Variants in FAM83A observed in about 807,000 individuals in gnomAD.
FAM83A encodes the protein protein FAM83A.
In FAM83A, 21 loss-of-function variants were observed where a neutral mutation model predicts 24.4. That is an observed-to-expected ratio of 0.86 (90% CI 0.61 to 1.24). FAM83A has a LOEUF of 1.24. Among genes scored for constraint, FAM83A ranks in the 50% most tolerant of loss-of-function variants. FAM83A has a pLI of 0.00. For missense variants in FAM83A, 617 were observed against 579.8 expected, an observed-to-expected ratio of 1.06 and a Z score of -0.66; for synonymous variants, 270 against 252.4, an observed-to-expected ratio of 1.07 and a Z score of -0.66.
rs73341736 is a variant in FAM83A, at chr8:123,205,383, G to A, written c.774-1774G>A. 8.7e-3 allele frequency among the ~76,000 whole-genome samples: 1,321 copies of A among 152,370 alleles called. 20 individuals carry two copies. Among genetic ancestry groups the A allele is most frequent in the African/African-American group, 0.029 (1,216 of 41,592 alleles). Reference sequence around the variant, plus strand: ...AGTGCGGCCCTTTGTCCCTGCGCTTGCCTCCTGTCCCGTGGCGGGGCTGGC... The same window carrying A: ...AGTGCGGCCCTTTGTCCCTGCGCTTACCTCCTGTCCCGTGGCGGGGCTGGC... On this transcript the variant is annotated intron_variant, in intron 3 of 3. Coordinates refer to ENST00000690554, the Ensembl canonical transcript of FAM83A.
exon 4 of FAM83A, chr8:123,207,194 C>A: frequency 6.2e-7 from 1 of 1,609,998 alleles, no homozygotes; most frequent in Non-Finnish European, 8.5e-7. Flanking sequence ...CCGGAACATC[C>A]TCTCCAAGTT....
chr8:123,200,799 C>CA (rs1266018730), intron 3 of FAM83A, among the ~76,000 whole-genome samples: 1 of 151,796 alleles, frequency 6.6e-6, no homozygotes, highest in African/African-American at 2.4e-5. Flanking sequence ...ACTAAAAATA[C>CA]AAAAAATTAG....
rs1824651516 is a variant in FAM83A at position 123,209,013 on chromosome 8, C to T, written c.*1325C>T. The T allele has an allele frequency of 3.0e-6, 3 of 988,754 alleles. No homozygotes were observed. The Admixed American group carries it at 1.8e-4, about 60-fold the overall frequency. The allele number at this position is 988,754 out of a possible 1,614,324, so 61.2% of individuals were successfully genotyped here. Reference sequence around the variant, plus strand: ...GAGCATAGAGGAGGGTTGGCCAGCCCTGTGGTGGGTGGGATGTCAGAGACA... The same window carrying T: ...GAGCATAGAGGAGGGTTGGCCAGCCTTGTGGTGGGTGGGATGTCAGAGACA... On this transcript the variant is annotated 3_prime_UTR_variant, in exon 4 of 4. Coordinates refer to ENST00000690554, the Ensembl canonical transcript of FAM83A. The surrounding 1 kb of genome is among the most constrained non-coding windows in gnomAD (Gnocchi z 4.7).
At chr8:123,203,226 A>AC (rs1563788908) in intron 3 of FAM83A, among the ~76,000 whole-genome samples, 1 of 151,420 alleles carries the variant, frequency 6.6e-6, no homozygotes, top group Non-Finnish European at 1.5e-5. Flanking sequence ...CACATTAAAA[A>AC]AAAAAAAGCA....
Position 123,209,700 on chromosome 8 carries a change from G to C in FAM83A, c.*2012G>C. The C allele has an allele frequency of 1.3e-6, 1 of 799,612 alleles. No homozygotes were observed. 49.5% of individuals were successfully genotyped at this position (799,612 alleles called of 1,614,324 possible). On this transcript the variant is annotated 3_prime_UTR_variant, in exon 4 of 4. Transcript: ENST00000690554. The surrounding 1 kb of genome is among the most constrained non-coding windows in gnomAD (Gnocchi z 4.7). The stretch of plus-strand genomic sequence containing the variant: ...GTGTCGAGCTCAGTCCTGGGAGATA[G>C]GGGAGAACCTGCAGGCAGGAACAAG...
intron 3 of FAM83A, chr8:123,201,676 T>G (rs1390250963): frequency 6.6e-6 from 1 of 152,244 alleles, no homozygotes; most frequent in Admixed American, 6.5e-5. Flanking sequence ...CCCCTTCTTC[T>G]GGTTGTATAT....
At chr8:123,208,100 T>G in exon 4 of FAM83A, 1 of 1,008,118 alleles carries the variant, frequency 9.9e-7, no homozygotes, top group Non-Finnish European at 1.2e-6. Context: ...GTACTTCTGG[T>G]TCCCAGTGCC....
At chr8:123,182,933 G>A in exon 1 of FAM83A, 1 of 1,584,442 alleles carries the variant, frequency 6.3e-7, no homozygotes, top group Non-Finnish European at 8.6e-7. Context: ...CGGCCAGCCA[G>A]GGCTGACTTT....
chr8:123,191,194 G>A lies in FAM83A; in HGVS notation c.481-609G>A, dbSNP rs192167009. On this transcript the variant is annotated intron_variant, in intron 1 of 3. Transcript: ENST00000690554. ...AATGCTTGGCAGGAGGAACACAGATGTCTCTCCTGCTCACTGAAGGTCTAG... is the reference window on the plus strand; with the variant it reads ...AATGCTTGGCAGGAGGAACACAGATATCTCTCCTGCTCACTGAAGGTCTAG... Among the ~76,000 whole-genome samples the A allele has an allele frequency of 3.9e-5, 6 of 152,312 alleles. No homozygotes were observed. The East Asian group carries it at 1.2e-3, about 29-fold the overall frequency.
exon 4 of FAM83A, chr8:123,207,543 C>G: frequency 6.4e-7 from 1 of 1,555,272 alleles, no homozygotes; most frequent in Non-Finnish European, 8.6e-7. Context: ...CACCTCTCCC[C>G]GCGGCCCCAC....
exon 1 of FAM83A, chr8:123,182,916 G>A: frequency 6.5e-7 from 1 of 1,544,270 alleles, no homozygotes; most frequent in East Asian, 2.3e-5. Context: ...TCAAGAGCCA[G>A]TGGGTCCGGC....
chr8:123,182,059 C>T (rs1265253250), upstream of FAM83A: 2 of 456,212 alleles, frequency 4.4e-6, no homozygotes, highest in African/African-American at 2.0e-5. Context: ...GGCTCGTGGG[C>T]CGCCGGCAGC....
At chr8:123,187,759 AG>A (rs1823853394) in intron 1 of FAM83A, among the ~76,000 whole-genome samples, 2 of 152,210 alleles carry the variant, frequency 1.3e-5, no homozygotes, top group African/African-American at 2.4e-5. Context: ...CAGGCAAGTC[AG>A]GGCCAGTGGA....
chr8:123,207,627 G>A, exon 4 of FAM83A: 14 of 1,551,394 alleles, frequency 9.0e-6, no homozygotes, highest in Admixed American at 1.9e-5. Flanking sequence ...GAGCAGCTGG[G>A]CCTGGTGCCG....
Position 123,209,796 on chromosome 8 carries a change from T to C in FAM83A, c.*2108T>C. The C allele has an allele frequency of 1.9e-6, 1 of 537,372 alleles. No individual in the cohort carries two copies. Among genetic ancestry groups the C allele is most frequent in the East Asian group, 3.0e-5 (1 of 33,146 alleles). 33.3% of individuals were successfully genotyped at this position (537,372 alleles called of 1,614,324 possible). A position where few individuals can be genotyped will look rare whatever the true frequency, so the allele number is the denominator to read the frequency against. ...GTCGTCTTTGTTGACAAAGGTGCAGTTTCTCCTCTCCTGGGCACCTGTAAC... is the reference window on the plus strand; with the variant it reads ...GTCGTCTTTGTTGACAAAGGTGCAGCTTCTCCTCTCCTGGGCACCTGTAAC... On this transcript the variant is annotated 3_prime_UTR_variant, in exon 4 of 4. Coordinates refer to ENST00000690554, the Ensembl canonical transcript of FAM83A. This position sits in a 1 kb window ranked among gnomAD's most constrained non-coding sequence, Gnocchi z 4.7.
intron 3 of FAM83A, among the ~76,000 whole-genome samples, chr8:123,205,468 T>C (rs1488297764): frequency 2.0e-5 from 3 of 151,414 alleles, no homozygotes; most frequent in Non-Finnish European, 4.4e-5. Flanking sequence ...CGGCGGGAGG[T>C]GAGATTTAAA....
rs1373159327 is a variant in FAM83A, at chr8:123,209,316, A to G, written c.*1628A>G. 4.3e-6 allele frequency: 6 copies of G among 1,407,520 alleles called. No homozygotes were observed. The East Asian group carries it at 1.1e-4, about 25-fold the overall frequency. 87.2% of individuals were successfully genotyped at this position (1,407,520 alleles called of 1,614,324 possible). ...TCTGCCCATCCATCCCTCTGTTCCA[A>G]TTCTCCACTGCTCCCAGCATGATCT... is the stretch of plus-strand genomic sequence containing the variant. On this transcript the variant is annotated 3_prime_UTR_variant, in exon 4 of 4. Transcript: ENST00000690554. The surrounding 1 kb of genome is among the most constrained non-coding windows in gnomAD (Gnocchi z 4.7).
upstream of FAM83A, chr8:123,182,306 CAG>C: frequency 2.8e-6 from 1 of 360,232 alleles, no homozygotes; most frequent in Non-Finnish European, 5.6e-6. Context: ...CCTCCTCACA[CAG>C]AGAGGGGGGC....
chr8:123,205,832 A>G (rs1824532985), intron 3 of FAM83A, among the ~76,000 whole-genome samples: 1 of 152,138 alleles, frequency 6.6e-6, no homozygotes, highest in Admixed American at 6.5e-5. Flanking sequence ...CATCGGAAAC[A>G]GAAAAGAGTT....
Sources: allele counts gnomAD v4.1 joint callset (sites outside exome capture counted in the v4.1 genomes callset), GRCh38; gene constraint gnomAD v4.1.1; non-coding constraint Gnocchi (gnomAD v3.1); transcripts MANE v1.5; gene names NCBI Gene and HGNC (gene_info 2026-07-23, HGNC 2026-07-21).